PDE8A: variants seen among roughly 807,000 people sequenced by gnomAD.
PDE8A encodes high affinity cAMP-specific and IBMX-insensitive 3',5'-cyclic phosphodiesterase 8A.
A neutral mutation model predicts 105.0 loss-of-function variants in PDE8A; 59 were observed. The observed-to-expected ratio is 0.56, with a 90% confidence interval of 0.46 to 0.70. The LOEUF is 0.70. Among genes scored for constraint, PDE8A ranks in the 30% least tolerant of loss-of-function variants. The pLI, the probability that PDE8A is intolerant of heterozygous loss-of-function variation, is 0.00. For missense variants in PDE8A, 1,014 were observed against 1,045.9 expected, an observed-to-expected ratio of 0.97 and a Z score of 0.42; for synonymous variants, 355 against 371.9, an observed-to-expected ratio of 0.95 and a Z score of 0.52.
At chr15:85,038,177 T>C (rs2080739067) in intron 1 of PDE8A, among the ~76,000 whole-genome samples, 1 of 152,078 alleles carries the variant, frequency 6.6e-6, no homozygotes, top group South Asian at 2.1e-4. Context: ...TCTTGCGTAT[T>C]AGTGTCATCT....
At chr15:85,100,839 C>T (rs142291928) in intron 11 of PDE8A, among the ~76,000 whole-genome samples, 16 of 152,268 alleles carry the variant, frequency 1.1e-4, no homozygotes, top group African/African-American at 3.6e-4. Flanking sequence ...AGACACTTGG[C>T]GTGCCACCCT....
chr15:85,132,921 C>T (rs1289946094), intron 20 of PDE8A, among the ~76,000 whole-genome samples: 1 of 152,022 alleles, frequency 6.6e-6, no homozygotes, highest in African/African-American at 2.4e-5. Context: ...AGTGCCTGTA[C>T]ATCTTTAGGG....
chr15:85,042,472 A>G (rs2080825553), intron 1 of PDE8A, among the ~76,000 whole-genome samples: 1 of 152,182 alleles, frequency 6.6e-6, no homozygotes. Context: ...AGATGGTTTT[A>G]ACAGTACAGC....
intron 18 of PDE8A, among the ~76,000 whole-genome samples, chr15:85,121,798 C>G (rs1818775254): frequency 6.6e-6 from 1 of 152,162 alleles, no homozygotes; most frequent in Admixed American, 6.5e-5. Flanking sequence ...TCCCCTAGTC[C>G]TAGACAACTA....
chr15:85,064,398 C>T lies in PDE8A; in HGVS notation c.215C>T (p.Pro72Leu), dbSNP rs2081189553. 4.3e-6 allele frequency: 7 copies of T among 1,609,706 alleles called. No individual in the cohort carries two copies. Among genetic ancestry groups the T allele is most frequent in the African/African-American group, 2.7e-5 (2 of 74,774 alleles). ...KVAVADVQFG[P>L]MRFHQDQLQV... ...GCAGTAGCTGATGTGCAGTTTGGCC[C>T]CATGAGATTTCATCAAGATCAACTT... The change falls in exon 2 of 22, where the codon CCC becomes CTC. Residue 72 changes from proline to leucine, a missense_variant. Pro to Leu is a moderately conservative substitution (Grantham distance 98). Transcript: ENST00000394553.
chr15:84,996,770 G>A (rs886208987), intron 1 of PDE8A, among the ~76,000 whole-genome samples: 2 of 129,436 alleles, frequency 1.5e-5, no homozygotes, highest in Admixed American at 9.4e-5. Context: ...AGATTGCAGT[G>A]AGCCGAGATC....
intron 6 of PDE8A, among the ~76,000 whole-genome samples, chr15:85,086,274 TA>T (rs1238002340): frequency 6.6e-6 from 1 of 152,182 alleles, no homozygotes; most frequent in African/African-American, 2.4e-5. Context: ...GAAGTCATTA[TA>T]AACTAACACT....
At chr15:85,010,295 T>A (rs990439445) in intron 1 of PDE8A, among the ~76,000 whole-genome samples, 1 of 152,244 alleles carries the variant, frequency 6.6e-6, no homozygotes, top group East Asian at 1.9e-4. Flanking sequence ...AAAAAAACTT[T>A]CAGTGTTTAT....
At chr15:84,983,519 C>G (rs796261575) in intron 1 of PDE8A, among the ~76,000 whole-genome samples, 1 of 152,156 alleles carries the variant, frequency 6.6e-6, no homozygotes, top group Non-Finnish European at 1.5e-5. Flanking sequence ...AGTTGATTTC[C>G]CCACCATTCC....
At position 85,113,580 on chromosome 15, in the gene PDE8A, C is replaced by T. The variant is rs546719403; in HGVS notation, c.1185+133C>T. On this transcript the variant is annotated intron_variant, in intron 13 of 21. Transcript: ENST00000394553. ...CATAGTTGTGTGGTGCTAGTAGCCT[C>T]CTCTGAAGAGAGAGGATGTGTGACA... The T allele has an allele frequency of 6.2e-6, 5 of 800,322 alleles. No homozygotes were observed. The African/African-American group carries it at 8.4e-5, about 14-fold the overall frequency. 49.6% of individuals were successfully genotyped at this position (800,322 alleles called of 1,614,324 possible).
intron 2 of PDE8A, 99 bp from the exon 3 acceptor site, chr15:85,066,915 A>T: frequency 5.9e-6 from 5 of 851,674 alleles, no homozygotes; most frequent in Non-Finnish European, 9.1e-6. Context: ...CTCCAGCCTG[A>T]GCAACAGAGC....
At chr15:85,137,622 G>C (rs958785919) in intron 21 of PDE8A, among the ~76,000 whole-genome samples, 175 bp from the exon 22 acceptor site, 5 of 152,184 alleles carry the variant, frequency 3.3e-5, no homozygotes, top group African/African-American at 1.2e-4. Context: ...TTGAGGACAG[G>C]GTTTAACTTC....
At chr15:85,022,103 A>C (rs1203301120) in intron 1 of PDE8A, among the ~76,000 whole-genome samples, 1 of 152,226 alleles carries the variant, frequency 6.6e-6, no homozygotes, top group Non-Finnish European at 1.5e-5. Context: ...TTTTTGTCTG[A>C]AATAGCTAAT....
rs751639886 is a variant in PDE8A at position 85,117,624 on chromosome 15, GT to G, written c.1536-11del. Reference sequence around the variant, plus strand: ...GTTTGCTTTGTTCTAATATTGTGGGGTTTTTTCTGTCTATAGGCCTTTGATT... The same window carrying G: ...GTTTGCTTTGTTCTAATATTGTGGGGTTTTTCTGTCTATAGGCCTTTGATT... On this transcript the variant is annotated splice_polypyrimidine_tract_variant and intron_variant, in intron 16 of 21. Transcript: ENST00000394553. 3.1e-6 allele frequency: 5 copies of G among 1,610,214 alleles called. No individual in the cohort carries two copies. In the East Asian group the frequency reaches 8.9e-5, roughly 29 times the overall value.
chr15:85,015,257 G>A (rs895103673), intron 1 of PDE8A, among the ~76,000 whole-genome samples: 29 of 145,092 alleles, frequency 2.0e-4, no homozygotes, highest in African/African-American at 7.8e-4. Flanking sequence ...TTTTTTTTTG[G>A]ACAGGGTTGC....
At position 85,067,094 on chromosome 15, in the gene PDE8A, A is replaced by C. The variant is rs768787335; in HGVS notation, c.324A>C (p.Thr108=). The C allele has an allele frequency of 2.8e-5, 45 of 1,613,638 alleles. 1 individual carries two copies. The South Asian group carries it at 4.6e-4, about 17-fold the overall frequency. The change falls in exon 3 of 22, where the codon ACA becomes ACC. Residue 108 remains threonine (T), a synonymous_variant. Coordinates refer to ENST00000394553, the MANE Select transcript of PDE8A (RefSeq NM_002605.3). ...RACEKAGFKC[T]VTKEAQAVLA... The stretch of plus-strand genomic sequence containing the variant: ...GTGAAAAAGCAGGGTTTAAGTGTAC[A>C]GTTACCAAGGAGGCTCAGGCTGTCC...
intron 1 of PDE8A, among the ~76,000 whole-genome samples, chr15:85,057,756 A>T (rs1436681338): frequency 2.0e-5 from 3 of 152,078 alleles, no homozygotes; most frequent in African/African-American, 4.8e-5. Flanking sequence ...AAGGATATTG[A>T]ATTTTGTTAA....
At chr15:85,127,914 G>A (rs1436972081) in intron 20 of PDE8A, among the ~76,000 whole-genome samples, 2 of 152,048 alleles carry the variant, frequency 1.3e-5, no homozygotes, top group East Asian at 1.9e-4. Flanking sequence ...AATCAAGAAA[G>A]TGTGGTGCTG....
chr15:85,054,801 G>A (rs537654933), intron 1 of PDE8A, among the ~76,000 whole-genome samples: 34 of 151,990 alleles, frequency 2.2e-4, no homozygotes, highest in East Asian at 5.8e-4. Flanking sequence ...TTTTTGTGTC[G>A]CTATCTCCTT....
Sources: allele counts gnomAD v4.1 joint callset (sites outside exome capture counted in the v4.1 genomes callset), GRCh38; gene constraint gnomAD v4.1.1; transcripts MANE v1.5; gene names NCBI Gene and HGNC (gene_info 2026-07-23, HGNC 2026-07-21).